RASGRP3: variants seen among roughly 807,000 people sequenced by gnomAD.
RASGRP3 encodes the protein ras guanyl-releasing protein 3.
Under a neutral mutation model 82.7 loss-of-function variants are expected in RASGRP3, and 54 were observed. The observed-to-expected ratio is 0.65, with a 90% CI of 0.52 to 0.82. RASGRP3 has a LOEUF of 0.82. Among genes scored for constraint, RASGRP3 ranks in the 40% least tolerant of loss-of-function variants. RASGRP3 has a pLI of 0.00. For synonymous variants in RASGRP3, 309 were observed against 300.5 expected (o/e 1.03, Z -0.29); for missense variants, 861 against 828.9 (o/e 1.04, Z -0.48).
chr2:33,473,759 T>A (rs73926675), upstream of RASGRP3, among the ~76,000 whole-genome samples: 2 of 152,040 alleles, frequency 1.3e-5, no homozygotes, highest in Non-Finnish European at 2.9e-5. Context: ...ATAGGGAGGA[T>A]TGAGGATCCA....
intron 2 of RASGRP3, among the ~76,000 whole-genome samples, chr2:33,454,910 C>G (rs1665961204): frequency 6.6e-6 from 1 of 152,200 alleles, no homozygotes. Context: ...ATTAGGGAAT[C>G]ATCCACCTCA....
chr2:33,551,210 G>T (rs903576384), intron 14 of RASGRP3, among the ~76,000 whole-genome samples: 32 of 152,170 alleles, frequency 2.1e-4, no homozygotes, highest in African/African-American at 7.0e-4. Flanking sequence ...CTTCTCAGGA[G>T]GCTGAGGCAG....
chr2:33,495,994 G>C (rs890275051), intron 1 of RASGRP3, among the ~76,000 whole-genome samples: 5 of 152,048 alleles, frequency 3.3e-5, no homozygotes, highest in Non-Finnish European at 7.4e-5. Context: ...CTAGAAAACT[G>C]GATTTTTAAA....
chr2:33,453,684 C>T (rs73926651), intron 2 of RASGRP3, among the ~76,000 whole-genome samples: 148 of 152,240 alleles, frequency 9.7e-4, no homozygotes, highest in African/African-American at 3.4e-3. Context: ...AGGGTCAGTC[C>T]TGATTCAGCA....
At chr2:33,502,932 G>C (rs1227818046) in intron 1 of RASGRP3, among the ~76,000 whole-genome samples, 2 of 152,080 alleles carry the variant, frequency 1.3e-5, no homozygotes, top group Non-Finnish European at 2.9e-5. Flanking sequence ...AGAAACCCTA[G>C]TTTCTCAGAG....
upstream of RASGRP3, among the ~76,000 whole-genome samples, chr2:33,473,697 A>G (rs892413834): frequency 2.0e-5 from 3 of 152,032 alleles, no homozygotes; most frequent in African/African-American, 2.4e-5. Context: ...ACACTCCTGG[A>G]CTCTGACTGA....
At chr2:33,496,196 G>A (rs1669292937) in intron 1 of RASGRP3, among the ~76,000 whole-genome samples, 2 of 152,168 alleles carry the variant, frequency 1.3e-5, no homozygotes, top group Non-Finnish European at 2.9e-5. Flanking sequence ...AAAGATTCAT[G>A]GTTCATTATT....
Position 33,558,950 on chromosome 2 carries a change from G to A in RASGRP3, c.1984G>A (p.Ala662Thr), listed in dbSNP as rs1676329120. The A allele has an allele frequency of 6.2e-7, 1 of 1,613,936 alleles. No homozygotes were observed. The highest frequency in any genetic ancestry group is 1.7e-5 in the Admixed American group (1 of 60,006). ...KWENEKPRVH[A>T]GVDVVDRGTE... ...GGAAAATGAGAAGCCCAGGGTGCAT[G>A]CTGGTGTGGATGTTGTAGACCGGGG... Residue 662 changes from alanine (A) to threonine (T), a missense_variant, in exon 17 of 18, where the codon GCT becomes ACT. Transcript: ENST00000403687.
At chr2:33,515,254 C>G (rs1416625227) in intron 3 of RASGRP3, 48 bp downstream of exon 3, 1 of 1,592,272 alleles carries the variant, frequency 6.3e-7, no homozygotes, top group Non-Finnish European at 8.6e-7. Flanking sequence ...TCGATGCTCT[C>G]ACTTTCCTCT....
intron 12 of RASGRP3, chr2:33,539,424 T>C (rs1674006653): frequency 4.4e-6 from 2 of 458,602 alleles, no homozygotes; most frequent in South Asian, 4.1e-5. Flanking sequence ...CTTGCCCAGA[T>C]ACTCTCAGCT....
chr2:33,530,437 C>A (rs1382004920), intron 10 of RASGRP3, among the ~76,000 whole-genome samples: 1 of 151,520 alleles, frequency 6.6e-6, no homozygotes, highest in African/African-American at 2.4e-5. Flanking sequence ...TAAATTCTCA[C>A]ACATACCCTG....
chr2:33,513,281 A>G (rs1241398179), intron 2 of RASGRP3, among the ~76,000 whole-genome samples: 1 of 152,204 alleles, frequency 6.6e-6, no homozygotes, highest in African/African-American at 2.4e-5. Flanking sequence ...CCCCAGAGTT[A>G]TGTGCCTGGT....
intron 2 of RASGRP3, among the ~76,000 whole-genome samples, chr2:33,464,629 C>T (rs1313076815): frequency 6.6e-6 from 1 of 152,074 alleles, no homozygotes; most frequent in East Asian, 1.9e-4. Flanking sequence ...CATGCCGCCA[C>T]ACCAAGCTGA....
At chr2:33,507,379 A>G (rs80205916) in intron 1 of RASGRP3, among the ~76,000 whole-genome samples, 5,034 of 152,274 alleles carry the variant, frequency 0.033, 85 homozygotes, top group South Asian at 0.042. Flanking sequence ...TGGGTGACAG[A>G]GCAAGACTCG....
chr2:33,525,110 A>C (rs1672411420), intron 9 of RASGRP3, among the ~76,000 whole-genome samples: 3 of 151,666 alleles, frequency 2.0e-5, no homozygotes, highest in African/African-American at 7.3e-5. Context: ...AAAAAAAAAA[A>C]AACTCAACAT....
intron 13 of RASGRP3, among the ~76,000 whole-genome samples, chr2:33,547,318 C>T (rs1421211249): frequency 7.4e-6 from 1 of 134,878 alleles, no homozygotes; most frequent in African/African-American, 2.9e-5. Flanking sequence ...CCAAATTTCC[C>T]CGCAAGCTTG....
chr2:33,478,490 C>T (rs6746388), intron 1 of RASGRP3, among the ~76,000 whole-genome samples: 93,753 of 151,884 alleles, frequency 0.62, 29,349 homozygotes, highest in African/African-American at 0.72. Flanking sequence ...ATTGTGTCTC[C>T]GGAATCATCG....
intron 2 of RASGRP3, among the ~76,000 whole-genome samples, chr2:33,448,116 C>T (rs756872070): frequency 6.6e-6 from 1 of 151,804 alleles, no homozygotes; most frequent in African/African-American, 2.4e-5. Context: ...AAGCTGTCAC[C>T]AGTCTTGAGT....
chr2:33,485,710 C>T (rs1344166620), intron 1 of RASGRP3, among the ~76,000 whole-genome samples: 1 of 152,182 alleles, frequency 6.6e-6, no homozygotes, highest in African/African-American at 2.4e-5. Flanking sequence ...GCCAAGCAGA[C>T]CTTGAAGCAG....
Sources: allele counts gnomAD v4.1 joint callset (sites outside exome capture counted in the v4.1 genomes callset), GRCh38; gene constraint gnomAD v4.1.1; transcripts MANE v1.5; gene names NCBI Gene and HGNC (gene_info 2026-07-23, HGNC 2026-07-21).